MPRIP: variants seen among roughly 807,000 people sequenced by gnomAD.
MPRIP encodes myosin phosphatase Rho-interacting protein.
A neutral mutation model predicts 234.9 loss-of-function variants in MPRIP; 59 were observed. The ratio of observed to expected loss-of-function variants is 0.25; its 90% CI spans 0.20 to 0.31. The LOEUF (loss-of-function observed/expected upper bound fraction) is 0.31. MPRIP is among the 10% of genes least tolerant of loss of function. The probability of loss-of-function intolerance (pLI) is 1.00; values close to 1 mark genes in which losing one functional copy is unlikely to be tolerated. For missense variants in MPRIP, 2,436 were observed against 3,071.0 expected (o/e 0.79, Z 4.89); for synonymous variants, 1,144 against 1,263.9 (o/e 0.91, Z 2.01).
intron 1 of MPRIP, among the ~76,000 whole-genome samples, chr17:17,046,568 C>G (rs571997473): frequency 6.6e-6 from 1 of 152,116 alleles, no homozygotes; most frequent in Non-Finnish European, 1.5e-5. Context: ...TTCCTAATTA[C>G]TCATGAAGTT....
At chr17:17,071,378 CT>C (rs1394698318) in intron 1 of MPRIP, among the ~76,000 whole-genome samples, 1 of 152,188 alleles carries the variant, frequency 6.6e-6, no homozygotes, top group Non-Finnish European at 1.5e-5. Context: ...CCAGTACCCA[CT>C]CTGGGATAGT....
At position 17,062,581 on chromosome 17, in the gene MPRIP, T is replaced by C. The variant is rs1011631191; in HGVS notation, c.124-13129T>C. On this transcript the variant is annotated intron_variant, in intron 1 of 23. Coordinates refer to ENST00000651222, the MANE Select transcript of MPRIP (RefSeq NM_001364716.4). ...TGCTGGAGAAATTCTGTTGCACACT[T>C]CCAGGGGGTGCCGTTCACCAGCGGA... 1.8e-4 allele frequency among the ~76,000 whole-genome samples: 28 copies of C among 152,202 alleles called. 1 individual carries two copies. The highest frequency in any genetic ancestry group is 4.1e-4 in the South Asian group (2 of 4,830).
intron 1 of MPRIP, among the ~76,000 whole-genome samples, chr17:17,064,067 C>G (rs149238300): frequency 3.3e-4 from 51 of 152,284 alleles, no homozygotes; most frequent in African/African-American, 1.1e-3. Context: ...GAGAGGCCAG[C>G]AGAGCATACG....
At chr17:17,055,820 G>T (rs2088677463) in intron 1 of MPRIP, among the ~76,000 whole-genome samples, 1 of 152,214 alleles carries the variant, frequency 6.6e-6, no homozygotes, top group South Asian at 2.1e-4. Context: ...AGGGTGGCCT[G>T]CCCTGGCATT....
At chr17:17,149,646 AATTT>A (rs1456316195) in intron 11 of MPRIP, 1 of 150,374 alleles carries the variant, frequency 6.7e-6, no homozygotes. Context: ...TTTTAAAATG[AATTT>A]ATTTTATTCT....
intron 17 of MPRIP, 29 bp from the exon 18 acceptor site, chr17:17,172,669 C>G: frequency 6.3e-7 from 1 of 1,586,604 alleles, no homozygotes. Flanking sequence ...CGTGGTCCCT[C>G]GGTGCTGAGG....
At chr17:17,135,557 C>A (rs990136950) in intron 5 of MPRIP, among the ~76,000 whole-genome samples, 1 of 152,182 alleles carries the variant, frequency 6.6e-6, no homozygotes, top group Admixed American at 6.5e-5. Flanking sequence ...GCTGGTTAGT[C>A]CAAGATTAAA....
At chr17:17,136,538 G>C in intron 6 of MPRIP, 88 bp downstream of exon 6, 1 of 1,282,474 alleles carries the variant, frequency 7.8e-7, no homozygotes, top group Admixed American at 2.2e-5. Flanking sequence ...AAGGCCTGTA[G>C]AGCCCAGTCG....
intron 1 of MPRIP, among the ~76,000 whole-genome samples, chr17:17,064,348 C>T (rs1372898133): frequency 2.0e-5 from 3 of 151,894 alleles, no homozygotes; most frequent in Non-Finnish European, 4.4e-5. Context: ...ACTACAGGTG[C>T]GTGCCACTGT....
At chr17:17,051,887 C>T (rs76716280) in intron 1 of MPRIP, among the ~76,000 whole-genome samples, 10,210 of 152,332 alleles carry the variant, frequency 0.067, 411 homozygotes, top group African/African-American at 0.1. Flanking sequence ...TCCCCTTGGG[C>T]GCAGCTTGGC....
Position 17,167,317 on chromosome 17 carries a change from T to A in MPRIP, c.5726T>A (p.Val1909Asp). The A allele has an allele frequency of 1.5e-6, 2 of 1,303,754 alleles. No individual in the cohort carries two copies. Among genetic ancestry groups the A allele is most frequent in the South Asian group, 2.5e-5 (2 of 81,010 alleles). 80.8% of individuals were successfully genotyped at this position (1,303,754 alleles called of 1,614,324 possible). A position where few individuals can be genotyped will look rare whatever the true frequency, so the allele number is the denominator to read the frequency against. ...KSEYLDVIAI[V>D]ERENAELKAK... ...GAGTACCTGGATGTGATCGCCATTGTTGAAAGGGAGAATGCAGAGCTCAAG... is the reference window on the plus strand; with the variant it reads ...GAGTACCTGGATGTGATCGCCATTGATGAAAGGGAGAATGCAGAGCTCAAG... Residue 1909 changes from valine (V) to aspartate (D), a missense_variant, in exon 16 of 24, where the codon GTT becomes GAT. By Grantham distance (152) the Val-to-Asp change is radical (BLOSUM62 -3). Transcript: ENST00000651222. The surrounding 1 kb of genome is among the most constrained non-coding windows in gnomAD (Gnocchi z 5.9).
rs539860495 is a variant in MPRIP, at chr17:17,158,547, G to A, written c.1945G>A (p.Ala649Thr). ...EPDPEQKRSR[A>T]RERRREGRSK... ...GGACCCTGAGCAGAAGAGGAGCCGCGCACGGGAGCGGAGGCGAGAGGGCCG... is the reference window on the plus strand; with the variant it reads ...GGACCCTGAGCAGAAGAGGAGCCGCACACGGGAGCGGAGGCGAGAGGGCCG... The change falls in exon 14 of 24, where the codon GCA becomes ACA. Residue 649 changes from alanine to threonine, a missense_variant. Around this residue, in one of 4 missense-constraint regions of MPRIP, gnomAD observed 1,998 missense variants for 2,520.3 expected, o/e 0.79. Transcript: ENST00000651222. The A allele has an allele frequency of 2.8e-5, 45 of 1,611,816 alleles. No homozygotes were observed. In the East Asian group the frequency reaches 4.2e-4, roughly 15 times the overall value.
At chr17:17,073,721 G>C (rs987177603) in intron 1 of MPRIP, among the ~76,000 whole-genome samples, 1 of 152,182 alleles carries the variant, frequency 6.6e-6, no homozygotes, top group Non-Finnish European at 1.5e-5. Flanking sequence ...ACTCCTGGGT[G>C]GGGTGTGGAG....
chr17:17,115,406 G>A (rs774995144), intron 3 of MPRIP, among the ~76,000 whole-genome samples: 1 of 152,322 alleles, frequency 6.6e-6, no homozygotes. Context: ...GGGAGAGGTG[G>A]GGTGTAGAGG....
intron 1 of MPRIP, among the ~76,000 whole-genome samples, chr17:17,068,502 G>A (rs1311881200): frequency 6.6e-6 from 1 of 150,996 alleles, no homozygotes; most frequent in East Asian, 1.9e-4. Flanking sequence ...TTGTTTCACT[G>A]ATTTTTTCAT....
chr17:17,118,632 G>A (rs962900877), intron 3 of MPRIP, among the ~76,000 whole-genome samples: 1 of 152,200 alleles, frequency 6.6e-6, no homozygotes, highest in African/African-American at 2.4e-5. Context: ...GACTGGGAAG[G>A]GGGAAGGGAG....
chr17:17,168,062 G>A (rs572532773), intron 16 of MPRIP, 147 bp downstream of exon 16: 3 of 619,760 alleles, frequency 4.8e-6, no homozygotes, highest in South Asian at 3.7e-5. Flanking sequence ...GTCTCAGCAG[G>A]GCCTGGGCCG....
At chr17:17,176,668 C>T (rs1364231068) in intron 21 of MPRIP, among the ~76,000 whole-genome samples, 156 bp downstream of exon 21, 1 of 152,172 alleles carries the variant, frequency 6.6e-6, no homozygotes, top group Non-Finnish European at 1.5e-5. Context: ...CTTAAAAGAC[C>T]AGCCTGCAGG....
In MPRIP at chr17:17,161,290, C is replaced by G. The variant is rs747333500; in HGVS notation, c.2451C>G (p.Leu817=). The G allele has an allele frequency of 2.5e-6, 4 of 1,600,240 alleles. No homozygotes were observed. In the South Asian group the frequency reaches 4.5e-5, roughly 18 times the overall value. Residue 817 remains leucine, a synonymous_variant, in exon 15 of 24, where the codon CTC becomes CTG. Coordinates refer to ENST00000651222, the MANE Select transcript of MPRIP (RefSeq NM_001364716.4). ...EASDLLEQNR[L]LQDQLRVALG... ...CAGACCTTCTGGAGCAGAACCGGCT[C>G]CTGCAGGACCAGCTGAGGGTGGCCC...
Sources: allele counts gnomAD v4.1 joint callset (sites outside exome capture counted in the v4.1 genomes callset), GRCh38; gene constraint gnomAD v4.1.1; regional missense constraint gnomAD v4.1.1; non-coding constraint Gnocchi (gnomAD v3.1); transcripts MANE v1.5; gene names NCBI Gene and HGNC (gene_info 2026-07-23, HGNC 2026-07-21).